The following DHX36 variants were observed in gnomAD, a reference collection of about 807,000 sequenced individuals.
DHX36 encodes the protein DEAH-box helicase 36, also known as ATP-dependent DNA/RNA helicase DHX36.
A neutral mutation model predicts 139.0 loss-of-function variants in DHX36; 50 were observed. The observed-to-expected ratio is 0.36, with a 90% confidence interval of 0.29 to 0.46. The LOEUF (loss-of-function observed/expected upper bound fraction) is 0.46. DHX36 is among the 20% of genes least tolerant of loss of function. DHX36 has a pLI of 1.00. For missense variants in DHX36, 1,024 were observed against 1,211.3 expected (o/e 0.85, Z 2.29); for synonymous variants, 425 against 401.9 (o/e 1.06, Z -0.69).
At position 154,304,991 on chromosome 3, in the gene DHX36, G is replaced by A. The variant is rs759334361; in HGVS notation, c.969-19C>T. 6.3e-7 allele frequency: 1 copy of A among 1,595,604 alleles called. No individual in the cohort carries two copies. The highest frequency in any genetic ancestry group is 1.8e-5 in the Admixed American group (1 of 54,912). The stretch of plus-strand genomic sequence containing the variant: ...CAAATACCTAAGGCAGAAGTGTGAA[G>A]TACAAAATTTTAAAACCATTTTTCT... On this transcript the variant is annotated intron_variant, in intron 7 of 24. Coordinates refer to ENST00000496811, the MANE Select transcript of DHX36 (RefSeq NM_020865.3).
In DHX36 at chr3:154,289,297, CTA is replaced by C. The variant is rs958278304; in HGVS notation, c.1933-335_1933-334del. ...CTCACTATCTTCAAAACAAGTCTAA[CTA>C]TATCAAAAGACACAAGATACTGAAA... On this transcript the variant is annotated intron_variant, in intron 16 of 24. Coordinates refer to ENST00000496811, the MANE Select transcript of DHX36 (RefSeq NM_020865.3). 3.0e-4 allele frequency among the ~76,000 whole-genome samples: 46 copies of C among 152,224 alleles called. 1 individual carries two copies. The East Asian group carries it at 4.6e-3, about 15-fold the overall frequency.
intron 17 of DHX36, among the ~76,000 whole-genome samples, chr3:154,286,166 C>CAAAAAAAAAAAA (rs60041573): frequency 6.0e-5 from 1 of 16,580 alleles, no homozygotes; most frequent in Admixed American, 7.9e-4. Flanking sequence ...TTCCACACAC[C>CAAAAAAAAAAAA]AAAAAAAAAA....
At chr3:154,283,351 A>G (rs1490360500) in intron 19 of DHX36, 80 bp from the exon 20 acceptor site, 1 of 931,448 alleles carries the variant, frequency 1.1e-6, no homozygotes, top group Non-Finnish European at 1.7e-6. Flanking sequence ...TACTTTAGTA[A>G]AAGCTTAATA....
intron 17 of DHX36, among the ~76,000 whole-genome samples, chr3:154,286,858 T>C (rs1445944570): frequency 6.6e-6 from 1 of 152,138 alleles, no homozygotes; most frequent in East Asian, 1.9e-4. Flanking sequence ...TTCTGTCATC[T>C]GGGTTGGAGT....
rs773134906 is a variant in DHX36 at position 154,299,918 on chromosome 3, G to A, written c.1469C>T (p.Ala490Val). ...CCAGCCTGGCAGAAAGACCAGTATC[G>A]CACCATCCTATATGAAGGGGAAATA... ...RYIVLEEEDG[A>V]ILVFLPGWDN... is the part of the protein sequence containing the mutation. The change falls in exon 12 of 25, where the codon GCG (alanine) becomes GTG (valine). Residue 490 changes from alanine to valine, a missense_variant. Coordinates refer to ENST00000496811, the MANE Select transcript of DHX36 (RefSeq NM_020865.3). 3.1e-6 allele frequency: 5 copies of A among 1,610,394 alleles called. No individual in the cohort carries two copies. Among genetic ancestry groups the A allele is most frequent in the South Asian group, 1.1e-5 (1 of 90,976 alleles).
At chr3:154,302,514 T>C (rs1712337212) in intron 9 of DHX36, among the ~76,000 whole-genome samples, 2 of 152,184 alleles carry the variant, frequency 1.3e-5, no homozygotes, top group African/African-American at 2.4e-5. Flanking sequence ...AGAATACTAT[T>C]GAGCAGAAAG....
At chr3:154,316,231 T>C (rs1712975556) in intron 1 of DHX36, 68 bp from the exon 2 acceptor site, 1 of 1,584,358 alleles carries the variant, frequency 6.3e-7, no homozygotes, top group Non-Finnish European at 8.6e-7. Flanking sequence ...TATTTGATAC[T>C]GAAGAAAATA....
Position 154,277,722 on chromosome 3 carries a change from TA to T in DHX36, c.2568-5del. On this transcript the variant is annotated splice_polypyrimidine_tract_variant and splice_region_variant and intron_variant, in intron 22 of 24. Coordinates refer to ENST00000496811, the MANE Select transcript of DHX36 (RefSeq NM_020865.3). ...GGTTTTTGTGTAAACTTTTACCCTT[TA>T]AAAAAAGTTAAAATGCAGTTTGTTA... 2 of 1,588,472 alleles carry T rather than the reference TA, an allele frequency of 1.3e-6. No individual in the cohort carries two copies. Among genetic ancestry groups the T allele is most frequent in the Non-Finnish European group, 8.6e-7 (1 of 1,166,376 alleles).
chr3:154,315,586 G>A lies in DHX36; in HGVS notation c.369-306C>T, dbSNP rs549694481. On this transcript the variant is annotated intron_variant, in intron 2 of 24. Transcript: ENST00000496811. ...GTGTTTCTCTTTTTCTGGATTTCTC[G>A]AACTTGTTTTATGTCACAACATCTT... 1.6e-4 allele frequency among the ~76,000 whole-genome samples: 25 copies of A among 152,052 alleles called. No individual in the cohort carries two copies. In the South Asian group the frequency reaches 1.7e-3, roughly 10 times the overall value.
At chr3:154,283,518 T>C (rs552107076) in intron 19 of DHX36, among the ~76,000 whole-genome samples, 90 of 152,262 alleles carry the variant, frequency 5.9e-4, no homozygotes, top group African/African-American at 2.1e-3. Context: ...AATATATTAA[T>C]TATGTATTTT....
chr3:154,283,603 TTATA>T (rs953971552), intron 19 of DHX36, among the ~76,000 whole-genome samples: 5 of 152,004 alleles, frequency 3.3e-5, no homozygotes, highest in African/African-American at 1.2e-4. Context: ...TTAAATGCTA[TTATA>T]TATTTTCAAA....
At position 154,324,174 on chromosome 3, in the gene DHX36, C is replaced by T. The variant is rs1348393749; in HGVS notation, c.243G>A (p.Glu81=). The T allele has an allele frequency of 6.2e-7, 1 of 1,610,170 alleles. No homozygotes were observed. Among genetic ancestry groups the T allele is most frequent in the African/African-American group, 1.3e-5 (1 of 75,018 alleles). The change falls in exon 1 of 25, where the codon GAG becomes GAA. Residue 81 remains glutamate (E), a splice_region_variant and synonymous_variant. Coordinates refer to ENST00000496811, the MANE Select transcript of DHX36 (RefSeq NM_020865.3). ...TCTCCACTACTGAATCCGAGATTAC[C>T]TCTTGCCTCTCCGCTTCCTTGTTCT... ...GQKNKEAERQ[E]RAVVHMDERR...
At chr3:154,322,895 G>A (rs1222274514) in intron 1 of DHX36, among the ~76,000 whole-genome samples, 1 of 152,116 alleles carries the variant, frequency 6.6e-6, no homozygotes, top group Non-Finnish European at 1.5e-5. Context: ...TATGCCCAAC[G>A]AAAAAGTTAA....
chr3:154,284,488 A>G, intron 19 of DHX36, 95 bp downstream of exon 19: 1 of 1,154,814 alleles, frequency 8.7e-7, no homozygotes, highest in Non-Finnish European at 1.2e-6. Context: ...GCCTTATAAC[A>G]GAGATTTCAA....
chr3:154,276,831 G>A lies in DHX36; in HGVS notation c.2757C>T (p.Ile919=), dbSNP rs138447229. 5.9e-5 allele frequency: 95 copies of A among 1,613,818 alleles called. No homozygotes were observed. The African/African-American group carries it at 8.0e-4, about 14-fold the overall frequency. Residue 919 remains isoleucine (I), a synonymous_variant, in exon 24 of 25, where the codon ATC becomes ATT. Transcript: ENST00000496811. ...CLLFFGGDIS[I]QKDNDQETIA... is the part of the protein sequence containing the mutation. ...TAGTTTCCTGATCGTTATCCTTCTG[G>A]ATGGAAATGTCACCTCCAAAAAACA...
At chr3:154,300,728 C>A (rs1353144229) in intron 10 of DHX36, 32 bp from the exon 11 acceptor site, 1 of 1,544,510 alleles carries the variant, frequency 6.5e-7, no homozygotes, top group African/African-American at 1.4e-5. Context: ...TCATGAAATA[C>A]TTAATCAAGT....
intron 15 of DHX36, among the ~76,000 whole-genome samples, chr3:154,291,219 G>C (rs977310851): frequency 6.7e-5 from 10 of 149,800 alleles, no homozygotes; most frequent in Non-Finnish European, 1.3e-4. Context: ...AAATAATAAG[G>C]TTTGCAGAAG....
chr3:154,315,760 G>A (rs1420801831), intron 2 of DHX36, among the ~76,000 whole-genome samples: 3 of 151,992 alleles, frequency 2.0e-5, no homozygotes, highest in Non-Finnish European at 4.4e-5. Flanking sequence ...CTCCCAGACA[G>A]AATAATTTCA....
intron 11 of DHX36, 97 bp from the exon 12 acceptor site, chr3:154,300,022 C>T (rs2108351044): frequency 1.3e-6 from 1 of 775,498 alleles, no homozygotes. Context: ...TAAAATTATA[C>T]TAGCTCAGGA....
Sources: gnomAD v4.1 joint callset for allele counts (sites outside exome capture counted in the v4.1 genomes callset) on GRCh38, gnomAD v4.1.1 for gene constraint, MANE v1.5 for transcripts, NCBI Gene and HGNC (gene_info 2026-07-23, HGNC 2026-07-21) for gene names.